The following CYP7B1 variants were observed in gnomAD, a reference collection of about 807,000 sequenced individuals.
CYP7B1 encodes the protein cytochrome P450 7B1.
In CYP7B1, 29 loss-of-function variants were observed where a neutral mutation model predicts 42.7. The observed-to-expected ratio is 0.68, with a 90% CI of 0.51 to 0.93. CYP7B1 has a LOEUF of 0.93. CYP7B1 is among the 40% of genes least tolerant of loss of function. The pLI is 0.00. For missense variants in CYP7B1, 655 were observed against 600.5 expected, an observed-to-expected ratio of 1.09 and a Z score of -0.95; for synonymous variants, 235 against 218.2, an observed-to-expected ratio of 1.08 and a Z score of -0.68.
At chr8:64,652,927 C>T (rs1030339367) in intron 1 of CYP7B1, among the ~76,000 whole-genome samples, 1 of 152,106 alleles carries the variant, frequency 6.6e-6, no homozygotes, top group African/African-American at 2.4e-5. Context: ...TCAAGTCAGA[C>T]ATAAAGAAGT....
rs544434140 is a variant in CYP7B1, at chr8:64,771,701, C to A, written c.122+26765G>T. Among the ~76,000 whole-genome samples the A allele has an allele frequency of 3.9e-5, 6 of 152,326 alleles. No homozygotes were observed. The South Asian group carries it at 1.2e-3, about 32-fold the overall frequency. On this transcript the variant is annotated intron_variant, in intron 1 of 5. Transcript: ENST00000310193. ...TCTTGCTTGTTTCCCAGCTTAAATT[C>A]CATGGCCAATCATCATAATCATTCC...
chr8:64,646,672 T>C (rs1321619327), intron 1 of CYP7B1, among the ~76,000 whole-genome samples: 1 of 152,210 alleles, frequency 6.6e-6, no homozygotes, highest in African/African-American at 2.4e-5. Context: ...TCAATGATCA[T>C]AGTTAGATCT....
chr8:64,606,281 C>T (rs762087035), intron 4 of CYP7B1, among the ~76,000 whole-genome samples: 2 of 152,210 alleles, frequency 1.3e-5, no homozygotes, highest in Non-Finnish European at 2.9e-5. Context: ...CACGAGGCAC[C>T]TGACACGATG....
At chr8:64,756,529 C>T (rs1807811070) in intron 1 of CYP7B1, among the ~76,000 whole-genome samples, 1 of 152,184 alleles carries the variant, frequency 6.6e-6, no homozygotes, top group Non-Finnish European at 1.5e-5. Context: ...AGAATGGGGG[C>T]TTGCCAGCTT....
chr8:64,704,169 A>T (rs1028674051), intron 1 of CYP7B1: 4 of 151,634 alleles, frequency 2.6e-5, no homozygotes, highest in Admixed American at 6.6e-5. Context: ...AGAAATAAAA[A>T]CTCTTTTTTT....
At position 64,615,333 on chromosome 8, in the gene CYP7B1, G is replaced by A. The variant is rs1805421704; in HGVS notation, c.851-101C>T. 2.5e-6 allele frequency: 3 copies of A among 1,178,196 alleles called. No individual in the cohort carries two copies. In the African/African-American group the frequency reaches 4.6e-5, roughly 18 times the overall value. The allele number at this position is 1,178,196 out of a possible 1,614,324, so 73.0% of individuals were successfully genotyped here. A position where few individuals can be genotyped will look rare whatever the true frequency, so the allele number is the denominator to read the frequency against. On this transcript the variant is annotated intron_variant, in intron 3 of 5. Transcript: ENST00000310193. ...GATGTTAGGACACAGACCCAGCCAA[G>A]GATCAGTGCATGCTAATGAGAACCA...
chr8:64,656,490 G>C (rs1806122467), intron 1 of CYP7B1, among the ~76,000 whole-genome samples: 1 of 152,178 alleles, frequency 6.6e-6, no homozygotes, highest in Non-Finnish European at 1.5e-5. Flanking sequence ...TGCCTTTTGG[G>C]AAAAGCTGTA....
At chr8:64,783,298 G>A (rs924453715) in intron 1 of CYP7B1, among the ~76,000 whole-genome samples, 1 of 152,124 alleles carries the variant, frequency 6.6e-6, no homozygotes, top group African/African-American at 2.4e-5. Flanking sequence ...TAAGTAATTA[G>A]AAACAGAAAT....
chr8:64,714,583 T>G (rs2129632731), intron 1 of CYP7B1, among the ~76,000 whole-genome samples: 1 of 152,346 alleles, frequency 6.6e-6, no homozygotes, highest in South Asian at 2.1e-4. Flanking sequence ...CTGCTTGTCC[T>G]TTGTCACATA....
chr8:64,775,359 T>C (rs1177375142), intron 1 of CYP7B1, among the ~76,000 whole-genome samples: 2 of 152,158 alleles, frequency 1.3e-5, no homozygotes, highest in Admixed American at 6.6e-5. Context: ...CAATGAGTTA[T>C]ATTCCTTATA....
At chr8:64,781,981 G>T (rs545726476) in intron 1 of CYP7B1, among the ~76,000 whole-genome samples, 1 of 152,138 alleles carries the variant, frequency 6.6e-6, no homozygotes, top group East Asian at 1.9e-4. Flanking sequence ...GACAATAGAT[G>T]CAAAATATCT....
At chr8:64,730,576 C>T (rs1399371427) in intron 1 of CYP7B1, among the ~76,000 whole-genome samples, 3 of 152,046 alleles carry the variant, frequency 2.0e-5, no homozygotes, top group African/African-American at 7.2e-5. Flanking sequence ...TGTTATCTAC[C>T]TAATGATTTG....
At chr8:64,745,252 G>A (rs1039246468) in intron 1 of CYP7B1, among the ~76,000 whole-genome samples, 2 of 152,282 alleles carry the variant, frequency 1.3e-5, no homozygotes, top group African/African-American at 2.4e-5. Context: ...CTGCATAGAC[G>A]AAAATGTCCT....
intron 1 of CYP7B1, among the ~76,000 whole-genome samples, chr8:64,697,827 C>A (rs1025256286): frequency 6.6e-6 from 1 of 152,182 alleles, no homozygotes; most frequent in Non-Finnish European, 1.5e-5. Flanking sequence ...AGAGCTATCA[C>A]CACGGACTCT....
At chr8:64,692,576 G>C (rs571179266) in intron 1 of CYP7B1, among the ~76,000 whole-genome samples, 1 of 152,144 alleles carries the variant, frequency 6.6e-6, no homozygotes, top group African/African-American at 2.4e-5. Flanking sequence ...GTATAATTAC[G>C]TAAAGGTCAG....
chr8:64,664,376 C>T (rs1008626431), intron 1 of CYP7B1, among the ~76,000 whole-genome samples: 5 of 152,164 alleles, frequency 3.3e-5, no homozygotes, highest in Non-Finnish European at 5.9e-5. Context: ...TTATAGAACT[C>T]ATTTATGTCA....
At chr8:64,759,145 T>A (rs576269514) in intron 1 of CYP7B1, among the ~76,000 whole-genome samples, 9 of 152,326 alleles carry the variant, frequency 5.9e-5, no homozygotes, top group Middle Eastern at 3.4e-3. Flanking sequence ...GCTATAGAAA[T>A]CTGAATCTGC....
chr8:64,722,674 G>A lies in CYP7B1; in HGVS notation c.122+75792C>T, dbSNP rs1418706452. On this transcript the variant is annotated intron_variant, in intron 1 of 5. Transcript: ENST00000310193. ...TCCTGATGCTTACCTAGGAAAACTG[G>A]GATCTCGTAGTATAAAATTTAAGAA... Among the ~76,000 whole-genome samples the A allele has an allele frequency of 3.0e-5, 4 of 133,190 alleles. No individual in the cohort carries two copies. The Admixed American group carries it at 3.7e-4, about 12-fold the overall frequency. 87.4% of individuals were successfully genotyped at this position (133,190 alleles called of 152,430 possible).
At chr8:64,731,495 A>G (rs1807407813) in intron 1 of CYP7B1, among the ~76,000 whole-genome samples, 2 of 152,214 alleles carry the variant, frequency 1.3e-5, no homozygotes, top group Admixed American at 6.5e-5. Flanking sequence ...ATTTCTAAGC[A>G]GCAAAACGTT....
Sources: gnomAD v4.1 joint callset for allele counts (sites outside exome capture counted in the v4.1 genomes callset) on GRCh38, gnomAD v4.1.1 for gene constraint, MANE v1.5 for transcripts, NCBI Gene and HGNC (gene_info 2026-07-23, HGNC 2026-07-21) for gene names.